Variants in LRP1B observed in about 807,000 individuals in gnomAD.
LRP1B encodes low-density lipoprotein receptor-related protein 1B.
In LRP1B, 217 loss-of-function variants were observed where a neutral mutation model predicts 556.6. The ratio of observed to expected loss-of-function variants is 0.39; its 90% CI spans 0.35 to 0.44. LRP1B has a LOEUF of 0.44. Ranked by LOEUF, LRP1B falls within the 20% of genes least tolerant of loss-of-function variation. The pLI is 1.00. For missense variants in LRP1B, 5,053 were observed against 5,620.8 expected (o/e 0.90, Z 3.23); for synonymous variants, 2,047 against 1,865.8 (o/e 1.10, Z -2.50).
chr2:140,574,831 G>A (rs895082232), intron 43 of LRP1B, among the ~76,000 whole-genome samples: 2 of 152,042 alleles, frequency 1.3e-5, no homozygotes, highest in Admixed American at 1.3e-4. Context: ...AAATCATACT[G>A]AAAAAAGTAA....
chr2:141,991,382 T>A lies in LRP1B; in HGVS notation c.82+139266A>T, dbSNP rs184205791. Among the ~76,000 whole-genome samples, 5 of 152,164 alleles carry A rather than the reference T, an allele frequency of 3.3e-5. No homozygotes were observed. In the East Asian group the frequency reaches 5.8e-4, roughly 18 times the overall value. ...TAGAAAATTCCACGTTTTGTAATTA[T>A]CAATAATTGGCAAAAATATTGTGCC... On this transcript the variant is annotated intron_variant, in intron 1 of 90. Transcript: ENST00000389484.
chr2:141,781,778 A>C (rs1695263167), intron 2 of LRP1B, among the ~76,000 whole-genome samples: 1 of 152,110 alleles, frequency 6.6e-6, no homozygotes, highest in Non-Finnish European at 1.5e-5. Context: ...CCAAGATAAA[A>C]ATTTTCTGAG....
At chr2:141,671,384 A>C (rs987985999) in intron 2 of LRP1B, among the ~76,000 whole-genome samples, 10 of 152,186 alleles carry the variant, frequency 6.6e-5, no homozygotes, top group African/African-American at 2.4e-4. Flanking sequence ...TGAAGGAGGC[A>C]AAGTAGGGAA....
At chr2:140,693,304 A>G (rs193024674) in intron 41 of LRP1B, among the ~76,000 whole-genome samples, 69 of 152,270 alleles carry the variant, frequency 4.5e-4, no homozygotes, top group Non-Finnish European at 8.2e-4. Context: ...TTTCATTAAA[A>G]TATCATTTTG....
rs770427686 is a variant in LRP1B at position 140,475,229 on chromosome 2, T to C, written c.9534A>G (p.Ala3178=). 1.9e-6 allele frequency: 3 copies of C among 1,612,204 alleles called. No individual in the cohort carries two copies. Among genetic ancestry groups the C allele is most frequent in the Non-Finnish European group, 2.5e-6 (3 of 1,178,714 alleles). The change falls in exon 60 of 91, where the codon GCA becomes GCG. Residue 3178 remains alanine (A), a synonymous_variant. Transcript: ENST00000389484. ...VIETKISRPM[A]LTIDYVNRRL... is the part of the protein sequence containing the mutation. ...TACGATTAACATAATCTATTGTTAGTGCCATAGGTCTAGAAATCTTGGTTT... is the reference window on the plus strand; with the variant it reads ...TACGATTAACATAATCTATTGTTAGCGCCATAGGTCTAGAAATCTTGGTTT...
chr2:141,742,327 C>T (rs1197089161), intron 2 of LRP1B, among the ~76,000 whole-genome samples: 2 of 149,876 alleles, frequency 1.3e-5, no homozygotes, highest in South Asian at 2.1e-4. Flanking sequence ...TCTCGACTCA[C>T]TGACACGGCC....
chr2:140,734,359 G>A (rs1687877555), intron 35 of LRP1B, among the ~76,000 whole-genome samples: 1 of 152,196 alleles, frequency 6.6e-6, no homozygotes, highest in South Asian at 2.1e-4. Context: ...GTGGCACAAG[G>A]AATTATGCTG....
chr2:141,218,707 T>C (rs752981474), intron 6 of LRP1B, among the ~76,000 whole-genome samples: 1 of 152,192 alleles, frequency 6.6e-6, no homozygotes, highest in Non-Finnish European at 1.5e-5. Flanking sequence ...ATTCAGTTGA[T>C]GTCCAAACTT....
chr2:140,693,825 A>C (rs568462830), intron 41 of LRP1B, among the ~76,000 whole-genome samples: 1 of 152,174 alleles, frequency 6.6e-6, no homozygotes, highest in African/African-American at 2.4e-5. Context: ...CTCATATCTC[A>C]GCCTCCTGAG....
Position 140,244,487 on chromosome 2 carries a change from A to C in LRP1B, c.13324+2599T>G, listed in dbSNP as rs75514519. On this transcript the variant is annotated intron_variant, in intron 87 of 90. Coordinates refer to ENST00000389484, the MANE Select transcript of LRP1B (RefSeq NM_018557.3). ...ATGCTCAATTTTATGTAAATTTTAAAATTTTATGTAAATTTAAAATAGAAG... is the reference window on the plus strand; with the variant it reads ...ATGCTCAATTTTATGTAAATTTTAACATTTTATGTAAATTTAAAATAGAAG... 9.4e-4 allele frequency among the ~76,000 whole-genome samples: 142 copies of C among 151,418 alleles called. 1 individual carries two copies. Among genetic ancestry groups the C allele is most frequent in the African/African-American group, 3.3e-3 (136 of 41,432 alleles).
At chr2:140,334,637 C>T in intron 78 of LRP1B, 78 bp from the exon 79 acceptor site, 1 of 701,338 alleles carries the variant, frequency 1.4e-6, no homozygotes, top group South Asian at 2.0e-5. Flanking sequence ...AGCAGTGGCT[C>T]TTCAGACCAC....
At chr2:140,548,101 G>C (rs1275782868) in intron 43 of LRP1B, among the ~76,000 whole-genome samples, 1 of 152,002 alleles carries the variant, frequency 6.6e-6, no homozygotes, top group Non-Finnish European at 1.5e-5. Context: ...TATTTAGTAA[G>C]TACTTATACA....
At chr2:141,862,396 T>C (rs1240491198) in intron 1 of LRP1B, among the ~76,000 whole-genome samples, 1 of 152,128 alleles carries the variant, frequency 6.6e-6, no homozygotes, top group Non-Finnish European at 1.5e-5. Flanking sequence ...TAAACACCAA[T>C]AAAATATCAG....
intron 45 of LRP1B, among the ~76,000 whole-genome samples, chr2:140,537,954 G>C (rs1032354474): frequency 6.6e-6 from 1 of 152,072 alleles, no homozygotes; most frequent in East Asian, 1.9e-4. Flanking sequence ...TTGCATGTAC[G>C]TACTCACCCC....
intron 3 of LRP1B, among the ~76,000 whole-genome samples, chr2:141,279,275 G>T (rs907412904): frequency 2.7e-5 from 4 of 149,040 alleles, no homozygotes; most frequent in African/African-American, 1.0e-4. Context: ...TGAGTATTTT[G>T]GGGAAGGAAT....
intron 2 of LRP1B, among the ~76,000 whole-genome samples, chr2:141,785,978 A>G (rs1243157785): frequency 6.6e-6 from 1 of 151,946 alleles, no homozygotes; most frequent in Non-Finnish European, 1.5e-5. Flanking sequence ...TTTGCAAATT[A>G]AAAATTCTAA....
chr2:140,853,993 T>C (rs985585538), intron 27 of LRP1B, among the ~76,000 whole-genome samples: 1 of 148,102 alleles, frequency 6.8e-6, no homozygotes, highest in Non-Finnish European at 1.5e-5. Flanking sequence ...TTAAGTGTCA[T>C]ATATCAAGTC....
chr2:140,974,076 T>G (rs1376535349), intron 18 of LRP1B, among the ~76,000 whole-genome samples: 1 of 152,160 alleles, frequency 6.6e-6, no homozygotes, highest in Non-Finnish European at 1.5e-5. Flanking sequence ...TGTCTTTAGT[T>G]ATCTCAAGAG....
intron 41 of LRP1B, among the ~76,000 whole-genome samples, chr2:140,624,401 C>G (rs1559013526): frequency 6.6e-6 from 1 of 152,100 alleles, no homozygotes; most frequent in Non-Finnish European, 1.5e-5. Flanking sequence ...GCCATTTGGA[C>G]CTGACACTCA....
Sources: gnomAD v4.1 joint callset for allele counts (sites outside exome capture counted in the v4.1 genomes callset) on GRCh38, gnomAD v4.1.1 for gene constraint, MANE v1.5 for transcripts, NCBI Gene and HGNC (gene_info 2026-07-23, HGNC 2026-07-21) for gene names.